ADGRL3: variants seen among roughly 807,000 people sequenced by gnomAD.
ADGRL3 encodes the protein calcium-independent alpha-latrotoxin receptor 3.
A neutral mutation model predicts 153.5 loss-of-function variants in ADGRL3; 62 were observed. That is an observed-to-expected ratio of 0.40 (90% CI 0.33 to 0.50). The LOEUF (loss-of-function observed/expected upper bound fraction) is 0.50, where lower values mean the gene tolerates loss of function less well. Ranked by LOEUF, ADGRL3 falls within the 20% of genes least tolerant of loss-of-function variation. The pLI, the probability that ADGRL3 is intolerant of heterozygous loss-of-function variation, is 0.47. For missense variants in ADGRL3, 1,641 were observed against 1,859.4 expected, an observed-to-expected ratio of 0.88 and a Z score of 2.16; for synonymous variants, 710 against 672.5, an observed-to-expected ratio of 1.06 and a Z score of -0.86.
chr4:61,435,430 C>T (rs531139361), intron 2 of ADGRL3, among the ~76,000 whole-genome samples: 112 of 152,154 alleles, frequency 7.4e-4, no homozygotes, highest in Admixed American at 4.0e-3. Flanking sequence ...CCACCAGAAG[C>T]GTATGGATTC....
intron 2 of ADGRL3, among the ~76,000 whole-genome samples, chr4:61,447,650 G>A (rs964958931): frequency 6.6e-6 from 1 of 152,072 alleles, no homozygotes; most frequent in African/African-American, 2.4e-5. Flanking sequence ...CTTTCTAAAT[G>A]TCAAAAAAGG....
intron 5 of ADGRL3, among the ~76,000 whole-genome samples, chr4:61,675,448 T>G (rs572467789): frequency 3.3e-5 from 5 of 152,008 alleles, no homozygotes; most frequent in African/African-American, 1.2e-4. Flanking sequence ...GATAAATTTT[T>G]GAATTTAGAA....
chr4:61,775,387 CT>C (rs987898374), intron 8 of ADGRL3: 3 of 459,926 alleles, frequency 6.5e-6, no homozygotes, highest in Admixed American at 6.4e-5. Flanking sequence ...CTAAAATTTT[CT>C]TTTTTTTCTT....
chr4:61,213,304 C>T (rs909304372), intron 1 of ADGRL3, among the ~76,000 whole-genome samples: 2 of 152,062 alleles, frequency 1.3e-5, no homozygotes, highest in African/African-American at 4.8e-5. Flanking sequence ...TCTCTTTTGG[C>T]TCAGTAGAAG....
In ADGRL3 at chr4:61,291,035, T is replaced by G. The variant is rs1449525129; in HGVS notation, c.-240+89270T>G. Among the ~76,000 whole-genome samples, 3 of 152,120 alleles carry G rather than the reference T, an allele frequency of 2.0e-5. No homozygotes were observed. In the East Asian group the frequency reaches 5.8e-4, roughly 30 times the overall value. On this transcript the variant is annotated intron_variant, in intron 1 of 26. Coordinates refer to ENST00000683033, the MANE Select transcript of ADGRL3 (RefSeq NM_001387552.1). ...TACTAATCTTGACTGAAAGGGTAAGTTACAAATTGGTGAAGGAAAGATTAC... is the reference window on the plus strand; with the variant it reads ...TACTAATCTTGACTGAAAGGGTAAGGTACAAATTGGTGAAGGAAAGATTAC...
At chr4:61,432,650 CTT>C (rs1318009683) in intron 2 of ADGRL3, among the ~76,000 whole-genome samples, 2 of 38,872 alleles carry the variant, frequency 5.1e-5, no homozygotes, top group African/African-American at 2.5e-4. Context: ...TTCTTTCTTT[CTT>C]TCTTTTTTTT....
At chr4:62,060,703 G>A (rs1397617823) in intron 25 of ADGRL3, among the ~76,000 whole-genome samples, 2 of 151,734 alleles carry the variant, frequency 1.3e-5, no homozygotes, top group African/African-American at 4.8e-5. Flanking sequence ...CAATATAAAT[G>A]TTTAAGATGT....
chr4:61,699,396 G>C, intron 6 of ADGRL3, among the ~76,000 whole-genome samples: 1 of 151,940 alleles, frequency 6.6e-6, no homozygotes, highest in Non-Finnish European at 1.5e-5. Flanking sequence ...ACATTAATTG[G>C]CTGCTGTATG....
At chr4:61,982,508 T>C (rs2099072034) in intron 18 of ADGRL3, among the ~76,000 whole-genome samples, 1 of 152,210 alleles carries the variant, frequency 6.6e-6, no homozygotes, top group Non-Finnish European at 1.5e-5. Flanking sequence ...ATAACTTCGG[T>C]AAGTTTGTTG....
chr4:61,238,475 G>GTGTA (rs1753692088), intron 1 of ADGRL3, among the ~76,000 whole-genome samples: 1 of 148,360 alleles, frequency 6.7e-6, no homozygotes, highest in Non-Finnish European at 1.5e-5. Context: ...GTGTGTGTGT[G>GTGTA]TATGCACGTG....
chr4:61,844,744 G>A (rs2098093656), intron 9 of ADGRL3, among the ~76,000 whole-genome samples: 1 of 151,292 alleles, frequency 6.6e-6, no homozygotes, highest in African/African-American at 2.4e-5. Flanking sequence ...TTGCCTTAAT[G>A]CAGACTCTGT....
intron 5 of ADGRL3, among the ~76,000 whole-genome samples, chr4:61,640,347 T>A (rs966598122): frequency 1.3e-5 from 2 of 152,172 alleles, no homozygotes; most frequent in Non-Finnish European, 2.9e-5. Flanking sequence ...ACCAGAGACA[T>A]CTGCCCTCTA....
intron 9 of ADGRL3, among the ~76,000 whole-genome samples, chr4:61,874,247 C>G (rs1458422293): frequency 6.6e-6 from 1 of 152,072 alleles, no homozygotes; most frequent in Non-Finnish European, 1.5e-5. Flanking sequence ...TGTTCAGGTC[C>G]TTGTAGACTG....
intron 6 of ADGRL3, among the ~76,000 whole-genome samples, chr4:61,678,984 C>A (rs2095274829): frequency 6.6e-6 from 1 of 151,970 alleles, no homozygotes; most frequent in African/African-American, 2.4e-5. Flanking sequence ...AACCAGAGAT[C>A]AGAGAGCATG....
intron 1 of ADGRL3, among the ~76,000 whole-genome samples, chr4:61,305,009 C>T (rs1406637984): frequency 1.3e-5 from 2 of 152,130 alleles, no homozygotes; most frequent in South Asian, 2.1e-4. Flanking sequence ...AAAGCAGAGT[C>T]CTGGCTTATA....
intron 3 of ADGRL3, among the ~76,000 whole-genome samples, chr4:61,516,507 C>A (rs1044906628): frequency 1.3e-5 from 2 of 151,452 alleles, no homozygotes; most frequent in Middle Eastern, 3.6e-3. Context: ...ATCAATTTAT[C>A]AAAAAAAATC....
At chr4:61,730,825 G>A (rs2096428504) in intron 7 of ADGRL3, among the ~76,000 whole-genome samples, 189 bp downstream of exon 7, 1 of 151,814 alleles carries the variant, frequency 6.6e-6, no homozygotes, top group African/African-American at 2.4e-5. Context: ...TCTAAGAAGA[G>A]TTTAGTAGTA....
intron 11 of ADGRL3, among the ~76,000 whole-genome samples, chr4:61,898,267 C>G (rs1304880806): frequency 6.6e-6 from 1 of 152,122 alleles, no homozygotes; most frequent in Non-Finnish European, 1.5e-5. Context: ...TTTCTCCACT[C>G]CCTTCTCTCA....
chr4:61,868,527 G>A (rs969313020), intron 9 of ADGRL3, among the ~76,000 whole-genome samples: 1 of 152,078 alleles, frequency 6.6e-6, no homozygotes, highest in African/African-American at 2.4e-5. Context: ...TGAAAGGAAT[G>A]CACTTTACAA....
Sources: allele counts gnomAD v4.1 joint callset (sites outside exome capture counted in the v4.1 genomes callset), GRCh38; gene constraint gnomAD v4.1.1; transcripts MANE v1.5; gene names NCBI Gene and HGNC (gene_info 2026-07-23, HGNC 2026-07-21).